CSMD3: variants seen among roughly 807,000 people sequenced by gnomAD.
The protein encoded by CSMD3 is CUB and Sushi multiple domains 3, also known as CUB and sushi domain-containing protein 3.
A neutral mutation model predicts 435.2 loss-of-function variants in CSMD3; 177 were observed. That is an observed-to-expected ratio of 0.41 (90% CI 0.36 to 0.46). The LOEUF (loss-of-function observed/expected upper bound fraction) is 0.46, where lower values mean the gene tolerates loss of function less well. Ranked by LOEUF, CSMD3 falls within the 20% of genes least tolerant of loss-of-function variation. CSMD3 has a pLI of 0.34. For missense variants in CSMD3, 4,265 were observed against 4,504.6 expected (o/e 0.95, Z 1.52); for synonymous variants, 1,656 against 1,520.5 (o/e 1.09, Z -2.07).
chr8:113,176,116 T>C (rs1475022986), intron 3 of CSMD3, among the ~76,000 whole-genome samples: 1 of 152,110 alleles, frequency 6.6e-6, no homozygotes, highest in Admixed American at 6.6e-5. Flanking sequence ...ATCGCTTAAT[T>C]ACTTCTAAAA....
Position 112,492,696 on chromosome 8 carries a change from G to C in CSMD3, c.5084-13C>G. On this transcript the variant is annotated splice_polypyrimidine_tract_variant and intron_variant, in intron 30 of 70. Coordinates refer to ENST00000297405, the MANE Select transcript of CSMD3 (RefSeq NM_198123.2). ...TCTCGCAGTTTTGCTGTAAAACAGT[G>C]TTAGTATAACATTAATTGCTTTAAA... is the stretch of plus-strand genomic sequence containing the variant. 1 of 1,608,114 alleles carries C rather than the reference G, an allele frequency of 6.2e-7. No individual in the cohort carries two copies.
chr8:112,786,070 T>C (rs984941290), intron 13 of CSMD3, among the ~76,000 whole-genome samples: 1 of 151,862 alleles, frequency 6.6e-6, no homozygotes, highest in African/African-American at 2.4e-5. Context: ...GTAGTGGCAA[T>C]AAAAACAGAC....
chr8:112,796,490 A>G (rs1212883316), intron 13 of CSMD3, among the ~76,000 whole-genome samples: 3 of 152,078 alleles, frequency 2.0e-5, no homozygotes, highest in African/African-American at 7.2e-5. Flanking sequence ...TAGGCAAAAT[A>G]ATTGGAATAT....
chr8:112,745,278 T>A (rs577197286), intron 13 of CSMD3, among the ~76,000 whole-genome samples: 27 of 152,238 alleles, frequency 1.8e-4, no homozygotes, highest in Middle Eastern at 3.4e-3. Flanking sequence ...TGAAAACTTG[T>A]GTAGTTCCTA....
intron 20 of CSMD3, among the ~76,000 whole-genome samples, chr8:112,641,132 C>T (rs4272409): frequency 0.7 from 105,876 of 151,932 alleles, 36,991 homozygotes; most frequent in Middle Eastern, 0.78. Context: ...GCACAGAAAG[C>T]GTTATTGCTA....
At chr8:113,416,522 A>G (rs867745015) in intron 1 of CSMD3, among the ~76,000 whole-genome samples, 8 of 152,236 alleles carry the variant, frequency 5.3e-5, no homozygotes, top group African/African-American at 1.9e-4. Context: ...AAAGGATGCC[A>G]GTTTTGGAAA....
At chr8:112,599,255 A>C (rs1181336244) in intron 22 of CSMD3, among the ~76,000 whole-genome samples, 5 of 151,574 alleles carry the variant, frequency 3.3e-5, no homozygotes, top group African/African-American at 1.2e-4. Context: ...GCAGCCAAAA[A>C]ACACATGAAA....
intron 3 of CSMD3, among the ~76,000 whole-genome samples, chr8:113,264,764 T>C (rs902841216): frequency 2.6e-5 from 4 of 151,742 alleles, no homozygotes; most frequent in African/African-American, 7.2e-5. Context: ...TTATTTAATG[T>C]AAATATGTAT....
chr8:112,276,832 G>T (rs2130534619), intron 59 of CSMD3, among the ~76,000 whole-genome samples: 1 of 152,216 alleles, frequency 6.6e-6, no homozygotes, highest in African/African-American at 2.4e-5. Flanking sequence ...CCACATGGAA[G>T]CTGCCAAGGC....
intron 4 of CSMD3, among the ~76,000 whole-genome samples, chr8:113,111,541 T>A (rs2090640156): frequency 6.6e-6 from 1 of 152,128 alleles, no homozygotes; most frequent in Non-Finnish European, 1.5e-5. Flanking sequence ...TTTCCCCAGT[T>A]TTGCTTGTAT....
chr8:113,093,301 A>G (rs1454259285), intron 5 of CSMD3, among the ~76,000 whole-genome samples: 1 of 152,110 alleles, frequency 6.6e-6, no homozygotes, highest in African/African-American at 2.4e-5. Context: ...AAAGCTGGGT[A>G]GATGCCATCA....
chr8:112,595,958 T>A (rs1411077251), intron 22 of CSMD3, among the ~76,000 whole-genome samples: 2 of 143,292 alleles, frequency 1.4e-5, no homozygotes, highest in Non-Finnish European at 3.1e-5. Flanking sequence ...CTGCATCAAC[T>A]AACGAGCAAA....
At chr8:113,091,006 G>A (rs2089984047) in intron 5 of CSMD3, among the ~76,000 whole-genome samples, 2 of 151,946 alleles carry the variant, frequency 1.3e-5, no homozygotes, top group Non-Finnish European at 2.9e-5. Context: ...TCAATTTCTG[G>A]TCACTGCACT....
chr8:113,274,817 T>TACACAC lies in CSMD3; in HGVS notation c.514+3769_514+3774dup, dbSNP rs57828038. On this transcript the variant is annotated intron_variant, in intron 3 of 70. Transcript: ENST00000297405. ...CATTAAGTCATTAATCACATTCAGC[T>TACACAC]ACACACACACACACACAGAGAGAAA... Among the ~76,000 whole-genome samples, 8 of 132,808 alleles carry TACACAC rather than the reference T, an allele frequency of 6.0e-5. No homozygotes were observed. In the East Asian group the frequency reaches 8.5e-4, roughly 14 times the overall value. 87.1% of individuals were successfully genotyped at this position (132,808 alleles called of 152,430 possible).
chr8:112,882,258 T>C (rs1036962255), intron 10 of CSMD3, among the ~76,000 whole-genome samples: 2 of 151,954 alleles, frequency 1.3e-5, no homozygotes, highest in Non-Finnish European at 2.9e-5. Context: ...AGCAACAAGA[T>C]ACAAGACCAC....
chr8:113,400,736 G>A (rs974647498), intron 1 of CSMD3, among the ~76,000 whole-genome samples: 1 of 151,870 alleles, frequency 6.6e-6, no homozygotes, highest in African/African-American at 2.4e-5. Flanking sequence ...GAAATGTTGA[G>A]TTTTAGAGCT....
chr8:112,874,270 G>C (rs921238281), intron 10 of CSMD3, among the ~76,000 whole-genome samples: 4 of 152,180 alleles, frequency 2.6e-5, no homozygotes, highest in Non-Finnish European at 4.4e-5. Flanking sequence ...TGTGGTATGA[G>C]AGACTGTTTG....
At chr8:113,370,737 A>G (rs2094341976) in intron 1 of CSMD3, among the ~76,000 whole-genome samples, 2 of 151,804 alleles carry the variant, frequency 1.3e-5, no homozygotes, top group African/African-American at 4.8e-5. Flanking sequence ...TTCCATCCCT[A>G]TTGATATTCT....
At position 112,371,832 on chromosome 8, in the gene CSMD3, G is replaced by A. The variant is rs565828269; in HGVS notation, c.6136+8520C>T. On this transcript the variant is annotated intron_variant, in intron 38 of 70. Transcript: ENST00000297405. ...GAACCCGGGAGGTGGTGGTTGCAGT[G>A]AGCTGAGATCACGCACCATTGCACT... Among the ~76,000 whole-genome samples, 10 of 151,956 alleles carry A rather than the reference G, an allele frequency of 6.6e-5. No individual in the cohort carries two copies. The South Asian group carries it at 2.1e-3, about 32-fold the overall frequency.
Sources: gnomAD v4.1 joint callset for allele counts (sites outside exome capture counted in the v4.1 genomes callset) on GRCh38, gnomAD v4.1.1 for gene constraint, MANE v1.5 for transcripts, NCBI Gene and HGNC (gene_info 2026-07-23, HGNC 2026-07-21) for gene names.